DISC1: variants seen among roughly 807,000 people sequenced by gnomAD.
DISC1 encodes the protein disrupted in schizophrenia 1 protein.
In DISC1, 57 loss-of-function variants were observed where a neutral mutation model predicts 84.5. That is an observed-to-expected ratio of 0.67 (90% confidence interval 0.55 to 0.84). The LOEUF (loss-of-function observed/expected upper bound fraction) is 0.84. DISC1 is among the 40% of genes least tolerant of loss of function. DISC1 has a pLI of 0.00. For synonymous variants in DISC1, 411 were observed against 415.2 expected, an observed-to-expected ratio of 0.99 and a Z score of 0.12; for missense variants, 1,000 against 1,057.8, an observed-to-expected ratio of 0.95 and a Z score of 0.76.
rs75459750 is a variant in DISC1 at position 231,844,235 on chromosome 1, T to C, written c.1981+25718T>C. ...GACTTGTGTGCAGAGCCCATGGTTTTCACAGCCCCTCTTCCTTTCAGATTT... is the reference window on the plus strand; with the variant it reads ...GACTTGTGTGCAGAGCCCATGGTTTCCACAGCCCCTCTTCCTTTCAGATTT... On this transcript the variant is annotated intron_variant, in intron 9 of 12. Transcript: ENST00000439617. Among the ~76,000 whole-genome samples the C allele has an allele frequency of 1.2e-4, 19 of 152,346 alleles. No individual in the cohort carries two copies. In the East Asian group the frequency reaches 3.7e-3, roughly 29 times the overall value.
rs574332621 is a variant in DISC1 at position 231,849,801 on chromosome 1, G to A, written c.1981+31284G>A. On this transcript the variant is annotated intron_variant, in intron 9 of 12. Transcript: ENST00000439617. ...CCATAACACGTTGGTTTCTCTTCAG[G>A]AACTGATTTTATATTCTCATGAGCA... Among the ~76,000 whole-genome samples the A allele has an allele frequency of 2.0e-5, 3 of 152,216 alleles. No homozygotes were observed. In the South Asian group the frequency reaches 6.2e-4, roughly 32 times the overall value.
At position 231,959,591 on chromosome 1, in the gene DISC1, T is replaced by C. The variant is rs201541334; in HGVS notation, c.2042+703T>C. 3.8e-6 allele frequency: 3 copies of C among 786,796 alleles called. No homozygotes were observed. In the African/African-American group the frequency reaches 5.6e-5, roughly 15 times the overall value. The allele number at this position is 786,796 out of a possible 1,614,324, so 48.7% of individuals were successfully genotyped here. On this transcript the variant is annotated intron_variant, in intron 10 of 12. Coordinates refer to ENST00000439617, the MANE Select transcript of DISC1 (RefSeq NM_018662.3). ...AGTAACTCTTTAGATAGGCTATGCCTTAAGCCTTTGTCTGCTAGGACGCTG... is the reference window on the plus strand; with the variant it reads ...AGTAACTCTTTAGATAGGCTATGCCCTAAGCCTTTGTCTGCTAGGACGCTG...
At chr1:231,978,514 T>C (rs980964351) in intron 10 of DISC1, among the ~76,000 whole-genome samples, 1 of 152,202 alleles carries the variant, frequency 6.6e-6, no homozygotes, top group Non-Finnish European at 1.5e-5. Flanking sequence ...AATGCATCCA[T>C]TTGCAGAATA....
intron 1 of DISC1, among the ~76,000 whole-genome samples, chr1:231,669,554 G>A (rs2062367901): frequency 1.3e-5 from 2 of 151,070 alleles, no homozygotes. Flanking sequence ...CCATTAAAAA[G>A]TGGGCAAAGG....
intron 8 of DISC1, among the ~76,000 whole-genome samples, chr1:231,810,571 C>T (rs894042882): frequency 7.9e-5 from 12 of 152,186 alleles, no homozygotes; most frequent in African/African-American, 2.9e-4. Flanking sequence ...CAGACACCAT[C>T]ATTTGCAATT....
chr1:231,695,992 T>C (rs2065646285), intron 2 of DISC1, among the ~76,000 whole-genome samples: 1 of 152,124 alleles, frequency 6.6e-6, no homozygotes, highest in Non-Finnish European at 1.5e-5. Context: ...TGTGGAGTCT[T>C]CCAGTTAGTC....
At chr1:231,840,794 G>A (rs1243777077) in intron 9 of DISC1, among the ~76,000 whole-genome samples, 1 of 151,832 alleles carries the variant, frequency 6.6e-6, no homozygotes, top group Non-Finnish European at 1.5e-5. Flanking sequence ...TGCAAGCTCC[G>A]CCTCAGCCCA....
intron 9 of DISC1, among the ~76,000 whole-genome samples, chr1:231,925,197 C>G (rs972147747): frequency 6.6e-6 from 1 of 152,090 alleles, no homozygotes; most frequent in Non-Finnish European, 1.5e-5. Context: ...GGCCCCAACC[C>G]GAACACAGGA....
intron 1 of DISC1, among the ~76,000 whole-genome samples, chr1:231,682,898 G>A (rs927087024): frequency 8.5e-5 from 13 of 152,198 alleles, no homozygotes; most frequent in Admixed American, 8.5e-4. Context: ...TCACATGCAT[G>A]GTTTTTGACC....
At chr1:231,638,989 T>C (rs1330841631) in intron 1 of DISC1, among the ~76,000 whole-genome samples, 2 of 152,166 alleles carry the variant, frequency 1.3e-5, no homozygotes, top group African/African-American at 4.8e-5. Flanking sequence ...GTTAGACTTA[T>C]AGTAACAGTA....
At chr1:231,854,554 C>T (rs575635653) in intron 9 of DISC1, among the ~76,000 whole-genome samples, 2 of 152,166 alleles carry the variant, frequency 1.3e-5, no homozygotes, top group South Asian at 2.1e-4. Context: ...TCAGCCTCTC[C>T]TCCTGCTGTT....
intron 12 of DISC1, 44 bp from the exon 13 acceptor site, chr1:232,036,647 AG>A: frequency 1.3e-6 from 2 of 1,487,910 alleles, no homozygotes; most frequent in Non-Finnish European, 1.8e-6. Context: ...GAGGCCGCAG[AG>A]GGCCACGATC....
At chr1:231,706,973 G>T (rs913607824) in intron 3 of DISC1, among the ~76,000 whole-genome samples, 3 of 152,150 alleles carry the variant, frequency 2.0e-5, no homozygotes, top group Admixed American at 2.0e-4. Context: ...CAGGAGCCTG[G>T]CAGTTAGAAC....
At chr1:231,863,280 GA>G (rs2084813304) in intron 9 of DISC1, among the ~76,000 whole-genome samples, 1 of 131,398 alleles carries the variant, frequency 7.6e-6, no homozygotes, top group African/African-American at 3.0e-5. Context: ...GCCCGGGATG[GA>G]GTGCTGTGGT....
At chr1:231,818,634 C>T (rs1163028031) in intron 9 of DISC1, 117 bp downstream of exon 9, 2 of 1,494,034 alleles carry the variant, frequency 1.3e-6, no homozygotes, top group Admixed American at 4.6e-5. Context: ...TCATGGAGCA[C>T]ATGGCCCTTT....
At chr1:232,016,795 A>G (rs1345309146) in intron 11 of DISC1, among the ~76,000 whole-genome samples, 1 of 152,250 alleles carries the variant, frequency 6.6e-6, no homozygotes, top group African/African-American at 2.4e-5. Flanking sequence ...AAAGAGATCT[A>G]AATATTTCAG....
rs111688379 is a variant in DISC1, at chr1:232,031,199, G to GAA, written c.2425+4648_2425+4649insAA. The stretch of plus-strand genomic sequence containing the variant: ...AAGGAAGGGAGAAAGGAGAGACAGA[G>GAA]AGAGAGGAAGGAAGGAAGGGAGAAA... On this transcript the variant is annotated intron_variant, in intron 12 of 12. Transcript: ENST00000439617. The surrounding 1 kb of genome is among the most constrained non-coding windows in gnomAD (Gnocchi z 4.6). Among the ~76,000 whole-genome samples the GAA allele has an allele frequency of 0.35, 50,659 of 145,204 alleles. 9,044 individuals carry two copies. The highest frequency in any genetic ancestry group is 0.46 in the Middle Eastern group (131 of 284).
intron 9 of DISC1, among the ~76,000 whole-genome samples, chr1:231,902,725 G>T (rs76562060): frequency 0.015 from 2,295 of 152,302 alleles, 51 homozygotes; most frequent in African/African-American, 0.052. Flanking sequence ...TGTTAGAGCG[G>T]TCCTAGCTCC....
chr1:231,639,054 G>C (rs1354089452), intron 1 of DISC1, among the ~76,000 whole-genome samples: 1 of 152,168 alleles, frequency 6.6e-6, no homozygotes, highest in African/African-American at 2.4e-5. Context: ...AGCCACCATG[G>C]CATGCAGGAG....
Sources: gnomAD v4.1 joint callset for allele counts (sites outside exome capture counted in the v4.1 genomes callset) on GRCh38, gnomAD v4.1.1 for gene constraint, Gnocchi (gnomAD v3.1) non-coding constraint, MANE v1.5 for transcripts, NCBI Gene and HGNC (gene_info 2026-07-23, HGNC 2026-07-21) for gene names.